NOL4: variants seen among roughly 807,000 people sequenced by gnomAD.
The protein encoded by NOL4 is nucleolar protein 4.
Under a neutral mutation model 75.9 loss-of-function variants are expected in NOL4, and 17 were observed. The observed-to-expected ratio is 0.22, with a 90% CI of 0.15 to 0.34. NOL4 has a LOEUF of 0.34. NOL4 is among the 10% of genes least tolerant of loss of function. The pLI is 1.00. For synonymous variants in NOL4, 292 were observed against 289.9 expected (o/e 1.01, Z -0.07); for missense variants, 614 against 793.5 (o/e 0.77, Z 2.72).
intron 1 of NOL4, among the ~76,000 whole-genome samples, chr18:34,135,796 C>T (rs76138374): frequency 0.015 from 2,216 of 150,838 alleles, 15 homozygotes; most frequent in Middle Eastern, 0.034. Flanking sequence ...ATCACAAACT[C>T]TTTTAAAGCA....
intron 5 of NOL4, among the ~76,000 whole-genome samples, chr18:34,044,881 G>T (rs117998615): frequency 1.3e-5 from 2 of 152,200 alleles, no homozygotes; most frequent in Non-Finnish European, 2.9e-5. Flanking sequence ...CTTTAATGCT[G>T]CCCAGTCATG....
intron 1 of NOL4, among the ~76,000 whole-genome samples, chr18:34,176,670 C>T (rs975308776): frequency 3.9e-5 from 6 of 152,016 alleles, no homozygotes; most frequent in African/African-American, 1.4e-4. Flanking sequence ...AGAGCATGAG[C>T]GCTCTCTCTC....
At chr18:33,870,750 A>G (rs1339649145) in intron 10 of NOL4, among the ~76,000 whole-genome samples, 2 of 152,074 alleles carry the variant, frequency 1.3e-5, no homozygotes, top group African/African-American at 2.4e-5. Context: ...AAAAGACATA[A>G]TAACCTATAT....
At chr18:34,192,043 C>G (rs189377203) in intron 1 of NOL4, among the ~76,000 whole-genome samples, 71 of 152,236 alleles carry the variant, frequency 4.7e-4, no homozygotes, top group African/African-American at 1.6e-3. Flanking sequence ...ATCAGATGTA[C>G]ATCTCTCCAC....
At chr18:34,176,799 A>C (rs1343451048) in intron 1 of NOL4, among the ~76,000 whole-genome samples, 1 of 152,082 alleles carries the variant, frequency 6.6e-6, no homozygotes, top group East Asian at 1.9e-4. Context: ...AACTATGAGA[A>C]AATTAATTTC....
chr18:33,883,431 G>C lies in NOL4; in HGVS notation c.1543-7C>G. On this transcript the variant is annotated splice_region_variant and splice_polypyrimidine_tract_variant and intron_variant, in intron 9 of 10. Coordinates refer to ENST00000261592, the MANE Select transcript of NOL4 (RefSeq NM_003787.5). ...CAGCTGGAGCAGACTCATCCTGCAA[G>C]GACAGACAGCATTCCATTATTTATC... is the stretch of plus-strand genomic sequence containing the variant. 1 of 1,597,626 alleles carries C rather than the reference G, an allele frequency of 6.3e-7. No homozygotes were observed. Among genetic ancestry groups the C allele is most frequent in the South Asian group, 1.1e-5 (1 of 88,502 alleles).
intron 6 of NOL4, among the ~76,000 whole-genome samples, chr18:34,006,269 T>A (rs888612078): frequency 1.1e-4 from 17 of 152,116 alleles, no homozygotes; most frequent in African/African-American, 4.1e-4. Flanking sequence ...TGGTTAATTT[T>A]ATGTGTCAAC....
chr18:34,055,929 GTTA>G (rs746864022), intron 5 of NOL4, among the ~76,000 whole-genome samples: 11 of 151,850 alleles, frequency 7.2e-5, no homozygotes, highest in Non-Finnish European at 1.2e-4. Context: ...CAGCAATTCA[GTTA>G]TTATATTTTT....
chr18:33,968,884 AAC>A (rs1415615938), intron 6 of NOL4, among the ~76,000 whole-genome samples: 80 of 152,324 alleles, frequency 5.3e-4, no homozygotes, highest in African/African-American at 1.8e-3. Context: ...TTCATACGAC[AAC>A]AGTTATGTAG....
chr18:34,161,547 A>G (rs1175551875), intron 1 of NOL4, among the ~76,000 whole-genome samples: 1 of 152,150 alleles, frequency 6.6e-6, no homozygotes, highest in Non-Finnish European at 1.5e-5. Flanking sequence ...TAACTGGGGT[A>G]AGATGTTATC....
At chr18:33,967,737 C>T (rs957976109) in intron 6 of NOL4, among the ~76,000 whole-genome samples, 7 of 152,076 alleles carry the variant, frequency 4.6e-5, no homozygotes, top group Admixed American at 4.6e-4. Context: ...TAGCAAAATG[C>T]AAATCAAAAC....
chr18:34,187,824 A>G lies in NOL4; in HGVS notation c.264+35166T>C, dbSNP rs181685570. Among the ~76,000 whole-genome samples, 462 of 152,294 alleles carry G rather than the reference A, an allele frequency of 3.0e-3. 7 individuals carry two copies. The highest frequency in any genetic ancestry group is 0.01 in the African/African-American group (434 of 41,586). On this transcript the variant is annotated intron_variant, in intron 1 of 10. Transcript: ENST00000261592. ...AATTTTGCAGGTTTTATGTAGACCT[A>G]TGTTTTTCAACTCACTTGTGTAAAT...
chr18:34,177,226 T>C (rs577680013), intron 1 of NOL4, among the ~76,000 whole-genome samples: 111 of 152,082 alleles, frequency 7.3e-4, no homozygotes, highest in Admixed American at 1.4e-3. Flanking sequence ...AACTACTATA[T>C]AGCATAGTGA....
At chr18:33,868,655 A>T (rs967129566) in intron 10 of NOL4, among the ~76,000 whole-genome samples, 1 of 136,808 alleles carries the variant, frequency 7.3e-6, no homozygotes, top group African/African-American at 3.0e-5. Context: ...TATTTCACAC[A>T]CACACACACA....
intron 1 of NOL4, among the ~76,000 whole-genome samples, chr18:34,130,715 A>AT (rs1402331833): frequency 6.6e-6 from 1 of 152,144 alleles, no homozygotes; most frequent in Non-Finnish European, 1.5e-5. Flanking sequence ...GAAATGACAT[A>AT]TTTAAAGGAT....
At chr18:34,188,344 C>A (rs2034650201) in intron 1 of NOL4, among the ~76,000 whole-genome samples, 1 of 152,088 alleles carries the variant, frequency 6.6e-6, no homozygotes, top group African/African-American at 2.4e-5. Flanking sequence ...TTAGCTATTG[C>A]TTAAATTTTT....
At chr18:34,171,925 A>G (rs1256920793) in intron 1 of NOL4, among the ~76,000 whole-genome samples, 1 of 152,160 alleles carries the variant, frequency 6.6e-6, no homozygotes, top group Non-Finnish European at 1.5e-5. Flanking sequence ...GTTCTTAAAC[A>G]TTACTAACTG....
chr18:34,003,812 C>T (rs1178018659), intron 6 of NOL4, among the ~76,000 whole-genome samples: 4 of 151,976 alleles, frequency 2.6e-5, no homozygotes, highest in East Asian at 1.9e-4. Flanking sequence ...CAGATCCTCC[C>T]CCTGGCCAAG....
rs1485092610 is a variant in NOL4 at position 34,223,924 on chromosome 18, CT to C, written c.-672del. 1.3e-5 allele frequency: 2 copies of C among 152,252 alleles called. No individual in the cohort carries two copies. Among genetic ancestry groups the C allele is most frequent in the African/African-American group, 4.8e-5 (2 of 41,470 alleles). 9.4% of individuals were successfully genotyped at this position (152,252 alleles called of 1,614,324 possible). ...GTTCTTACCTGTCATGTTTTTAAAC[CT>C]ATCAAATTCTGTTTTACAGAATTTT... On this transcript the variant is annotated 5_prime_UTR_variant, in exon 1 of 11. In the 5' UTR this introduces an upstream ATG that the reference lacks. Transcript: ENST00000261592.
Sources: allele counts gnomAD v4.1 joint callset (sites outside exome capture counted in the v4.1 genomes callset), GRCh38; gene constraint gnomAD v4.1.1; transcripts MANE v1.5; gene names NCBI Gene and HGNC (gene_info 2026-07-23, HGNC 2026-07-21).